Variants in NRXN1 observed in about 807,000 individuals in gnomAD.
The protein encoded by NRXN1 is neurexin-1.
In NRXN1, 39 loss-of-function variants were observed where a neutral mutation model predicts 150.9. The observed-to-expected ratio is 0.26, with a 90% CI of 0.20 to 0.34. The LOEUF (loss-of-function observed/expected upper bound fraction) is 0.34. Among genes scored for constraint, NRXN1 ranks in the 10% least tolerant of loss-of-function variants. The probability of loss-of-function intolerance (pLI) is 1.00; values close to 1 mark genes in which losing one functional copy is unlikely to be tolerated. For missense variants in NRXN1, 1,815 were observed against 1,949.9 expected (o/e 0.93, Z 1.30); for synonymous variants, 924 against 757.0 (o/e 1.22, Z -3.62).
intron 9 of NRXN1, among the ~76,000 whole-genome samples, chr2:50,540,511 C>T (rs1311090378): frequency 6.6e-6 from 1 of 152,114 alleles, no homozygotes. Flanking sequence ...AGCGAATAAA[C>T]AGATGGTCCC....
At chr2:50,744,772 C>T (rs532232852) in intron 5 of NRXN1, among the ~76,000 whole-genome samples, 47 of 152,142 alleles carry the variant, frequency 3.1e-4, no homozygotes, top group Non-Finnish European at 6.2e-4. Context: ...TTACATGAAA[C>T]TGTAAAAAAT....
chr2:50,218,704 T>C (rs1013618703), intron 18 of NRXN1, among the ~76,000 whole-genome samples: 2 of 151,944 alleles, frequency 1.3e-5, no homozygotes, highest in Admixed American at 6.6e-5. Flanking sequence ...TTAGAGTATC[T>C]TTAGTCTTTG....
intron 17 of NRXN1, among the ~76,000 whole-genome samples, chr2:50,306,246 C>T (rs950030528): frequency 2.0e-5 from 3 of 152,274 alleles, no homozygotes; most frequent in African/African-American, 7.2e-5. Context: ...ATTGAGTAGT[C>T]TGGGACTTCT....
At chr2:50,925,547 T>C (rs532474209) in intron 3 of NRXN1, among the ~76,000 whole-genome samples, 2 of 152,038 alleles carry the variant, frequency 1.3e-5, no homozygotes, top group Admixed American at 6.6e-5. Context: ...ATGCTAAATT[T>C]TGCCAGAATA....
Position 49,920,697 on chromosome 2 carries a change from CGT to C in NRXN1, c.*1245_*1246del, listed in dbSNP as rs66612444. ...CATATCTGATGGATTGCTGTGGATT[CGT>C]GTGTGTGTGTGTGTGTGTGTGTGTG... On this transcript the variant is annotated 3_prime_UTR_variant, in exon 23 of 23. Transcript: ENST00000401669. 12,284 of 142,558 alleles carry C rather than the reference CGT, an allele frequency of 0.086. 597 individuals carry two copies. Among genetic ancestry groups the C allele is most frequent in the Non-Finnish European group, 0.1 (6,773 of 65,632 alleles). The allele number at this position is 142,558 out of a possible 1,614,324, so 8.8% of individuals were successfully genotyped here.
intron 18 of NRXN1, among the ~76,000 whole-genome samples, chr2:50,095,989 A>T (rs1053059052): frequency 1.6e-5 from 2 of 124,212 alleles, no homozygotes; most frequent in Non-Finnish European, 3.1e-5. Flanking sequence ...TCCTGTGTCC[A>T]AGTGTTCTCA....
At chr2:50,400,267 T>G (rs1050672090) in intron 17 of NRXN1, among the ~76,000 whole-genome samples, 3 of 152,112 alleles carry the variant, frequency 2.0e-5, no homozygotes, top group African/African-American at 7.2e-5. Context: ...ATGTGTAAGA[T>G]TTTCCACATT....
intron 8 of NRXN1, among the ~76,000 whole-genome samples, chr2:50,564,570 G>A (rs948564952): frequency 6.6e-6 from 1 of 152,102 alleles, no homozygotes; most frequent in African/African-American, 2.4e-5. Context: ...GAATGAGACA[G>A]TCTGTATAAT....
chr2:50,501,400 A>AGTGTGTGAGTGTGTGTGTGTGT (rs2091936976), intron 13 of NRXN1, among the ~76,000 whole-genome samples: 2 of 148,180 alleles, frequency 1.3e-5, no homozygotes, highest in African/African-American at 5.0e-5. Flanking sequence ...TGTGTGTGTG[A>AGTGTGTGAGTGTGTGTGTGTGT]GTGTGTGTGT....
At chr2:50,090,351 A>G (rs1426602513) in intron 19 of NRXN1, among the ~76,000 whole-genome samples, 1 of 152,200 alleles carries the variant, frequency 6.6e-6, no homozygotes, top group African/African-American at 2.4e-5. Context: ...ATAAATTTTG[A>G]TTATTATTTT....
chr2:50,594,282 C>G (rs1453734779), intron 8 of NRXN1, among the ~76,000 whole-genome samples: 1 of 152,128 alleles, frequency 6.6e-6, no homozygotes, highest in Non-Finnish European at 1.5e-5. Flanking sequence ...AATGTATGCT[C>G]GCATTTCCTT....
chr2:50,570,830 T>C (rs908554987), intron 8 of NRXN1, among the ~76,000 whole-genome samples: 2 of 152,170 alleles, frequency 1.3e-5, no homozygotes, highest in African/African-American at 4.8e-5. Flanking sequence ...AGGATATGAT[T>C]TATTTTGATA....
chr2:50,806,755 G>C (rs1328566055), intron 5 of NRXN1, among the ~76,000 whole-genome samples: 3 of 152,014 alleles, frequency 2.0e-5, no homozygotes, highest in Non-Finnish European at 4.4e-5. Context: ...CTCTTATTGA[G>C]CTACCTCGTA....
intron 5 of NRXN1, chr2:50,624,879 G>A (rs11125321): frequency 0.59 from 89,273 of 151,792 alleles, 26,444 homozygotes; most frequent in East Asian, 0.74. Flanking sequence ...ATATTTGGAA[G>A]GAACAGTCTT....
At chr2:50,258,084 G>C (rs541773807) in intron 17 of NRXN1, among the ~76,000 whole-genome samples, 1 of 152,098 alleles carries the variant, frequency 6.6e-6, no homozygotes, top group East Asian at 1.9e-4. Context: ...CTTCATTGTT[G>C]ATGGGTGCTT....
intron 18 of NRXN1, among the ~76,000 whole-genome samples, chr2:50,180,630 TG>T (rs1313402395): frequency 6.6e-6 from 1 of 152,092 alleles, no homozygotes; most frequent in African/African-American, 2.4e-5. Context: ...TCCTTCCCTC[TG>T]GGGGATACAG....
chr2:49,946,074 A>G (rs1347597179), intron 21 of NRXN1, among the ~76,000 whole-genome samples: 1 of 152,162 alleles, frequency 6.6e-6, no homozygotes, highest in African/African-American at 2.4e-5. Flanking sequence ...AATGATTGCC[A>G]TTCTAACTGG....
intron 19 of NRXN1, among the ~76,000 whole-genome samples, chr2:50,079,508 C>T (rs1697615848): frequency 6.6e-6 from 1 of 151,840 alleles, no homozygotes; most frequent in African/African-American, 2.4e-5. Flanking sequence ...GGCGAATTTT[C>T]TTTTTTTAAA....
chr2:50,340,615 C>T (rs2077481106), intron 17 of NRXN1, among the ~76,000 whole-genome samples: 1 of 151,946 alleles, frequency 6.6e-6, no homozygotes, highest in African/African-American at 2.4e-5. Context: ...CAATACGTCC[C>T]TGGGAAAAGA....
Sources: gnomAD v4.1 joint callset for allele counts (sites outside exome capture counted in the v4.1 genomes callset) on GRCh38, gnomAD v4.1.1 for gene constraint, MANE v1.5 for transcripts, NCBI Gene and HGNC (gene_info 2026-07-23, HGNC 2026-07-21) for gene names.